The following ZFHX3 variants were observed in gnomAD, a reference collection of about 807,000 sequenced individuals.
ZFHX3 encodes zinc finger homeobox 3.
A neutral mutation model predicts 279.1 loss-of-function variants in ZFHX3; 42 were observed. The observed-to-expected ratio is 0.15, with a 90% CI of 0.12 to 0.19. The LOEUF (loss-of-function observed/expected upper bound fraction) is 0.19. ZFHX3 is among the 10% of genes least tolerant of loss of function. The pLI is 1.00. For synonymous variants in ZFHX3, 2,293 were observed against 1,957.8 expected (o/e 1.17, Z -4.52); for missense variants, 4,981 against 4,754.0 (o/e 1.05, Z -1.40).
chr16:73,249,251 G>T (rs1385434777), intron 5 of ZFHX3, among the ~76,000 whole-genome samples: 1 of 152,094 alleles, frequency 6.6e-6, no homozygotes, highest in African/African-American at 2.4e-5. Flanking sequence ...TTTCTTTGAA[G>T]CCATTTGCAA....
Position 72,797,269 on chromosome 16 carries a change from C to A in ZFHX3, c.5413G>T (p.Ala1805Ser), listed in dbSNP as rs759717414. The change falls in exon 9 of 10, where the codon GCT becomes TCT. Residue 1805 changes from alanine to serine, a missense_variant. Ala to Ser is a moderately conservative substitution (Grantham distance 99). This residue lies in a region of ZFHX3 where 1,751 missense variants were observed against 1,770.0 expected (regional missense o/e 0.99). Transcript: ENST00000268489. ...HLLFPFYIPSAEFQLNPEVSL... is the reference protein window; with the variant it reads ...HLLFPFYIPSSEFQLNPEVSL... ...ACCTCGGGGTTAAGCTGGAACTCAGCACTGGGGATGTAGAAAGGGAAGAGG... is the reference window on the plus strand; with the variant it reads ...ACCTCGGGGTTAAGCTGGAACTCAGAACTGGGGATGTAGAAAGGGAAGAGG... The A allele has an allele frequency of 1.2e-6, 2 of 1,611,832 alleles. No individual in the cohort carries two copies. Among genetic ancestry groups the A allele is most frequent in the Non-Finnish European group, 1.7e-6 (2 of 1,178,616 alleles).
At chr16:73,507,909 G>C (rs929932909) in intron 2 of ZFHX3, among the ~76,000 whole-genome samples, 9 of 152,172 alleles carry the variant, frequency 5.9e-5, no homozygotes, top group African/African-American at 1.9e-4. Flanking sequence ...CAATTTTTGT[G>C]AGATTAGAAT....
intron 1 of ZFHX3, among the ~76,000 whole-genome samples, chr16:73,806,416 G>C (rs1046549509): frequency 3.3e-5 from 5 of 152,224 alleles, no homozygotes; most frequent in African/African-American, 1.2e-4. Context: ...TGGAGCCGGA[G>C]TGAGATGTGC....
At chr16:73,110,736 T>A (rs1239429415) in intron 7 of ZFHX3, among the ~76,000 whole-genome samples, 2 of 152,012 alleles carry the variant, frequency 1.3e-5, no homozygotes, top group African/African-American at 2.4e-5. Context: ...GCTAATTTTT[T>A]AATTTTTTGT....
chr16:73,666,279 G>A (rs2052841891), intron 2 of ZFHX3, among the ~76,000 whole-genome samples: 1 of 151,816 alleles, frequency 6.6e-6, no homozygotes, highest in African/African-American at 2.4e-5. Context: ...AAGTTACATG[G>A]GATCACATCA....
intron 1 of ZFHX3, among the ~76,000 whole-genome samples, chr16:73,837,443 T>C (rs553626057): frequency 6.6e-6 from 1 of 152,220 alleles, no homozygotes; most frequent in Non-Finnish European, 1.5e-5. Context: ...AGACAAAAAG[T>C]GTTGTGGTAA....
At chr16:73,427,745 C>T (rs2017836897) in intron 3 of ZFHX3, among the ~76,000 whole-genome samples, 1 of 151,702 alleles carries the variant, frequency 6.6e-6, no homozygotes, top group South Asian at 2.1e-4. Context: ...ACCAGCCCGG[C>T]CAATATGGTG....
chr16:73,659,003 A>G (rs1263625959), intron 2 of ZFHX3, among the ~76,000 whole-genome samples: 1 of 152,186 alleles, frequency 6.6e-6, no homozygotes, highest in African/African-American at 2.4e-5. Context: ...AGAGAAACGG[A>G]AAAATTAAGA....
intron 2 of ZFHX3, among the ~76,000 whole-genome samples, chr16:73,462,398 C>G (rs1013991585): frequency 1.3e-5 from 2 of 151,864 alleles, no homozygotes; most frequent in South Asian, 2.1e-4. Context: ...ATCTGTGTAC[C>G]TTTGATTTCT....
chr16:73,608,270 G>A (rs934550207), intron 2 of ZFHX3, among the ~76,000 whole-genome samples: 1 of 152,112 alleles, frequency 6.6e-6, no homozygotes, highest in African/African-American at 2.4e-5. Context: ...TCTTGAAGCT[G>A]GTCCCATATT....
chr16:73,412,347 A>G (rs75859262), intron 3 of ZFHX3, among the ~76,000 whole-genome samples: 3,585 of 144,086 alleles, frequency 0.025, 68 homozygotes, highest in African/African-American at 0.052. Flanking sequence ...AAAAAAAAAA[A>G]AAGTAAATGT....
intron 2 of ZFHX3, among the ~76,000 whole-genome samples, chr16:73,482,142 G>A (rs2018880536): frequency 6.6e-6 from 1 of 152,218 alleles, no homozygotes; most frequent in African/African-American, 2.4e-5. Flanking sequence ...GGGAAGGGCA[G>A]AGGGAAGGGA....
intron 2 of ZFHX3, among the ~76,000 whole-genome samples, chr16:73,529,819 G>T (rs759242412): frequency 6.6e-6 from 1 of 152,098 alleles, no homozygotes; most frequent in Admixed American, 6.6e-5. Context: ...CTGTTTCTCC[G>T]TGGCTTCATT....
At chr16:73,794,505 G>T (rs1403029078) in intron 1 of ZFHX3, among the ~76,000 whole-genome samples, 1 of 152,130 alleles carries the variant, frequency 6.6e-6, no homozygotes, top group Non-Finnish European at 1.5e-5. Flanking sequence ...ACACCTTTAG[G>T]TTGCATGGTC....
chr16:73,158,301 C>T (rs1792146366), intron 5 of ZFHX3, among the ~76,000 whole-genome samples: 1 of 152,026 alleles, frequency 6.6e-6, no homozygotes, highest in Non-Finnish European at 1.5e-5. Flanking sequence ...TTTTTCAAGA[C>T]AAGTAATGAC....
chr16:73,189,909 C>T (rs1967991055), intron 5 of ZFHX3, among the ~76,000 whole-genome samples: 1 of 151,932 alleles, frequency 6.6e-6, no homozygotes, highest in Admixed American at 6.6e-5. Context: ...GCCTGGGCAA[C>T]ATAGGGAGAC....
intron 4 of ZFHX3, among the ~76,000 whole-genome samples, chr16:73,281,653 G>A (rs1056781346): frequency 6.6e-6 from 1 of 152,162 alleles, no homozygotes; most frequent in Non-Finnish European, 1.5e-5. Context: ...ATAATAAAGG[G>A]CATGGGAGGA....
chr16:73,444,972 A>G (rs1343906144), intron 3 of ZFHX3, among the ~76,000 whole-genome samples: 1 of 150,932 alleles, frequency 6.6e-6, no homozygotes, highest in East Asian at 1.9e-4. Flanking sequence ...AAAAAAAAAA[A>G]AAAAAAAAAC....
chr16:73,740,231 A>G (rs1410089925), intron 1 of ZFHX3, among the ~76,000 whole-genome samples: 2 of 152,170 alleles, frequency 1.3e-5, no homozygotes, highest in Non-Finnish European at 2.9e-5. Flanking sequence ...GGTAGCTCCT[A>G]GAATTAGCAT....
Sources: gnomAD v4.1 joint callset for allele counts (sites outside exome capture counted in the v4.1 genomes callset) on GRCh38, gnomAD v4.1.1 for gene constraint, gnomAD v4.1.1 regional missense constraint, MANE v1.5 for transcripts, NCBI Gene and HGNC (gene_info 2026-07-23, HGNC 2026-07-21) for gene names.